R3HCC1L: variants seen among roughly 807,000 people sequenced by gnomAD.
R3HCC1L encodes the protein R3H domain and coiled-coil containing 1 like.
R3HCC1L carries 51 observed loss-of-function variants against 59.9 expected under a neutral mutation model. The ratio of observed to expected loss-of-function variants is 0.85; its 90% confidence interval spans 0.68 to 1.07. The LOEUF is 1.07. Ranked by LOEUF, R3HCC1L falls within the 50% of genes least tolerant of loss-of-function variation. The pLI is 0.00. For synonymous variants in R3HCC1L, 322 were observed against 315.2 expected, an observed-to-expected ratio of 1.02 and a Z score of -0.23; for missense variants, 965 against 933.0, an observed-to-expected ratio of 1.03 and a Z score of -0.45.
intron 4 of R3HCC1L, among the ~76,000 whole-genome samples, chr10:98,197,703 GAAAC>G (rs1278768468): frequency 6.6e-6 from 1 of 152,096 alleles, no homozygotes; most frequent in Non-Finnish European, 1.5e-5. Flanking sequence ...AAGACAAAAA[GAAAC>G]TAACTCTACA....
intron 5 of R3HCC1L, among the ~76,000 whole-genome samples, chr10:98,222,388 T>G (rs1358812364): frequency 6.6e-6 from 1 of 151,986 alleles, no homozygotes; most frequent in African/African-American, 2.4e-5. Context: ...TCCTGCCTAA[T>G]TGCCCTGGCC....
intron 4 of R3HCC1L, among the ~76,000 whole-genome samples, chr10:98,191,289 A>G (rs61875281): frequency 0.19 from 28,431 of 152,092 alleles, 2,784 homozygotes; most frequent in Middle Eastern, 0.21. Context: ...AAGCATTCCT[A>G]TTTCTCCACA....
At chr10:98,220,272 C>A (rs1854723901) in intron 5 of R3HCC1L, among the ~76,000 whole-genome samples, 1 of 151,594 alleles carries the variant, frequency 6.6e-6, no homozygotes, top group Admixed American at 6.6e-5. Flanking sequence ...AATTGTTTGT[C>A]TGATTTCCTT....
chr10:98,158,280 C>T lies in R3HCC1L; in HGVS notation c.-213+2133C>T, dbSNP rs937192578. On this transcript the variant is annotated intron_variant, in intron 2 of 9. Coordinates refer to ENST00000298999, the MANE Select transcript of R3HCC1L (RefSeq NM_001351015.2). ...CCCCATTTTTTCCAACCATAAATGG[C>T]TCTTGAGTCGAGAATTTTTTTGCAC... is the stretch of plus-strand genomic sequence containing the variant. Among the ~76,000 whole-genome samples the T allele has an allele frequency of 2.0e-5, 3 of 152,276 alleles. No individual in the cohort carries two copies. The South Asian group carries it at 6.2e-4, about 32-fold the overall frequency.
intron 6 of R3HCC1L, among the ~76,000 whole-genome samples, chr10:98,234,102 C>T (rs1319614445): frequency 6.6e-6 from 1 of 150,586 alleles, no homozygotes; most frequent in African/African-American, 2.4e-5. Flanking sequence ...TCTGCTTCCT[C>T]TTTCCATTTC....
intron 4 of R3HCC1L, among the ~76,000 whole-genome samples, chr10:98,194,765 A>C (rs936787135): frequency 4.7e-5 from 7 of 150,178 alleles, no homozygotes; most frequent in African/African-American, 1.7e-4. Flanking sequence ...AACCACAGTA[A>C]GATATTATCT....
At chr10:98,234,254 TG>T (rs1564737307) in intron 6 of R3HCC1L, among the ~76,000 whole-genome samples, 191 bp from the exon 7 acceptor site, 1 of 152,218 alleles carries the variant, frequency 6.6e-6, no homozygotes, top group Non-Finnish European at 1.5e-5. Context: ...TTGTTTATGA[TG>T]GTATTATTGC....
chr10:98,166,104 G>A (rs968315004), intron 4 of R3HCC1L, among the ~76,000 whole-genome samples: 4 of 152,194 alleles, frequency 2.6e-5, no homozygotes, highest in African/African-American at 9.7e-5. Flanking sequence ...CGGAGGTGGA[G>A]GTTGCAGTGA....
At chr10:98,221,276 T>C (rs1403784081) in intron 5 of R3HCC1L, among the ~76,000 whole-genome samples, 3 of 151,794 alleles carry the variant, frequency 2.0e-5, no homozygotes, top group Non-Finnish European at 4.4e-5. Flanking sequence ...ATTCTGGATA[T>C]TAGCCCTTTG....
At chr10:98,157,350 C>T (rs1846981637) in intron 2 of R3HCC1L, among the ~76,000 whole-genome samples, 1 of 152,158 alleles carries the variant, frequency 6.6e-6, no homozygotes, top group East Asian at 1.9e-4. Context: ...ATTTTAGGTT[C>T]AATATGCTTA....
intron 5 of R3HCC1L, among the ~76,000 whole-genome samples, chr10:98,212,109 G>A (rs538165163): frequency 1.5e-3 from 234 of 152,196 alleles, no homozygotes; most frequent in Non-Finnish European, 2.8e-3. Context: ...GAGGGAAATG[G>A]ATTGAGAATG....
At position 98,244,261 on chromosome 10, in the gene R3HCC1L, G is replaced by A; in HGVS notation, c.*103G>A. 2 of 1,118,494 alleles carry A rather than the reference G, an allele frequency of 1.8e-6. No homozygotes were observed. Among genetic ancestry groups the A allele is most frequent in the East Asian group, 2.5e-5 (1 of 39,800 alleles). 69.3% of individuals were successfully genotyped at this position (1,118,494 alleles called of 1,614,324 possible). ...GCTCTATGTACATGCAGATGTGCATGTTAAAGAGATAAAGTGATCGAGACA... is the reference window on the plus strand; with the variant it reads ...GCTCTATGTACATGCAGATGTGCATATTAAAGAGATAAAGTGATCGAGACA... On this transcript the variant is annotated 3_prime_UTR_variant, in exon 10 of 10. Coordinates refer to ENST00000298999, the MANE Select transcript of R3HCC1L (RefSeq NM_001351015.2).
At chr10:98,197,902 T>C (rs1468182214) in intron 4 of R3HCC1L, among the ~76,000 whole-genome samples, 1 of 152,176 alleles carries the variant, frequency 6.6e-6, no homozygotes, top group African/African-American at 2.4e-5. Context: ...AATGAAGTTA[T>C]AGAAAAGGAA....
intron 4 of R3HCC1L, among the ~76,000 whole-genome samples, chr10:98,176,550 A>G (rs1330113059): frequency 6.6e-6 from 1 of 152,134 alleles, no homozygotes; most frequent in African/African-American, 2.4e-5. Flanking sequence ...AGAATATAGA[A>G]CTGCTTGTAT....
At chr10:98,230,099 A>G (rs1045226670) in intron 5 of R3HCC1L, among the ~76,000 whole-genome samples, 8 of 152,208 alleles carry the variant, frequency 5.3e-5, no homozygotes, top group Non-Finnish European at 7.3e-5. Flanking sequence ...GCCTCATAAA[A>G]TGAGTTATGG....
chr10:98,209,495 A>C lies in R3HCC1L; in HGVS notation c.1381A>C (p.Lys461Gln), dbSNP rs371438908. Residue 461 changes from lysine to glutamine, a missense_variant, in exon 5 of 10, where the codon AAG becomes CAG. Lys to Gln is a moderately conservative substitution (Grantham distance 53, BLOSUM62 1). Coordinates refer to ENST00000298999, the MANE Select transcript of R3HCC1L (RefSeq NM_001351015.2). ...ATCTCATTTTACAGAGTCAACAGGA[A>C]AGTTGATAGAGAGCTTGTCAGATTG... is the stretch of plus-strand genomic sequence containing the variant. ...ISSHFTESTG[K>Q]LIESLSDCAS... 5.8e-5 allele frequency: 94 copies of C among 1,613,810 alleles called. No individual in the cohort carries two copies. The East Asian group carries it at 8.5e-4, about 15-fold the overall frequency.
chr10:98,190,809 C>T (rs1310226262), intron 4 of R3HCC1L, among the ~76,000 whole-genome samples: 1 of 150,694 alleles, frequency 6.6e-6, no homozygotes, highest in Non-Finnish European at 1.5e-5. Context: ...CCCCAGTCCC[C>T]CACCCCCCGA....
chr10:98,199,815 T>C (rs1851844173), intron 4 of R3HCC1L, among the ~76,000 whole-genome samples: 1 of 152,042 alleles, frequency 6.6e-6, no homozygotes. Flanking sequence ...TTTAACAAAA[T>C]TTAAATTGTA....
intron 4 of R3HCC1L, among the ~76,000 whole-genome samples, chr10:98,181,702 C>G (rs570540557): frequency 1.3e-5 from 2 of 152,034 alleles, no homozygotes; most frequent in East Asian, 3.9e-4. Context: ...TTTCCTGGAG[C>G]CTTTGTTCAT....
Sources: allele counts gnomAD v4.1 joint callset (sites outside exome capture counted in the v4.1 genomes callset), GRCh38; gene constraint gnomAD v4.1.1; transcripts MANE v1.5; gene names NCBI Gene and HGNC (gene_info 2026-07-23, HGNC 2026-07-21).